Variants in ODR4 observed in about 807,000 individuals in gnomAD.
ODR4 encodes protein odr-4 homolog.
Under a neutral mutation model 60.2 loss-of-function variants are expected in ODR4, and 47 were observed. The ratio of observed to expected loss-of-function variants is 0.78; its 90% CI spans 0.62 to 1.00. The LOEUF is 1.00. ODR4 is among the 50% of genes least tolerant of loss of function. ODR4 has a pLI of 0.00. For missense variants in ODR4, 488 were observed against 530.8 expected (o/e 0.92, Z 0.79); for synonymous variants, 178 against 175.5 (o/e 1.01, Z -0.11).
the ODR4 span, among the ~76,000 whole-genome samples, chr1:186,433,724 G>A: frequency 6.6e-6 from 1 of 152,176 alleles, no homozygotes; most frequent in Admixed American, 6.5e-5. Flanking sequence ...GGGATTACAG[G>A]TGCCTGCCAC....
chr1:186,431,273 G>A, the ODR4 span, among the ~76,000 whole-genome samples: 2 of 152,192 alleles, frequency 1.3e-5, no homozygotes, highest in Non-Finnish European at 2.9e-5. Context: ...TTTGTAAGAA[G>A]TATTGCAAAG....
intron 3 of ODR4, among the ~76,000 whole-genome samples, chr1:186,385,780 A>G (rs865824898): frequency 2.6e-5 from 4 of 152,158 alleles, no homozygotes; most frequent in African/African-American, 7.2e-5. Context: ...TGATGGTGGG[A>G]CGCCATTGAA....
chr1:186,390,425 G>A (rs1027904093), intron 6 of ODR4, among the ~76,000 whole-genome samples: 1 of 152,146 alleles, frequency 6.6e-6, no homozygotes, highest in Non-Finnish European at 1.5e-5. Flanking sequence ...GAAGCTAGAG[G>A]ATCAAAGGAC....
At chr1:186,426,759 C>CA in the ODR4 span, among the ~76,000 whole-genome samples, 150 of 151,846 alleles carry the variant, frequency 9.9e-4, 1 homozygote, top group African/African-American at 3.3e-3. Context: ...TAGTATATGT[C>CA]AAAAAAAGAA....
At chr1:186,430,611 T>C in the ODR4 span, among the ~76,000 whole-genome samples, 702 of 152,278 alleles carry the variant, frequency 4.6e-3, 6 homozygotes, top group Non-Finnish European at 8.1e-3. Flanking sequence ...ATAATTTTAA[T>C]ATTTTTTTCT....
At chr1:186,417,444 A>T in intron 12 of ODR4, 100 bp from the exon 13 acceptor site, 1 of 698,364 alleles carries the variant, frequency 1.4e-6, no homozygotes, top group South Asian at 1.7e-5. Flanking sequence ...TAGAAAGAAA[A>T]TGGTGATGAT....
At chr1:186,399,972 C>G (rs976901124) in intron 11 of ODR4, among the ~76,000 whole-genome samples, 9 of 151,096 alleles carry the variant, frequency 6.0e-5, no homozygotes, top group East Asian at 1.9e-4. Flanking sequence ...TCATCATCTC[C>G]CCATTCTTTT....
chr1:186,413,035 G>T (rs933630889), intron 12 of ODR4, among the ~76,000 whole-genome samples: 6 of 151,874 alleles, frequency 4.0e-5, no homozygotes, highest in Non-Finnish European at 8.8e-5. Context: ...TCAAAAATTG[G>T]AATCAATTAC....
At chr1:186,404,117 T>C (rs1481444125) in intron 11 of ODR4, among the ~76,000 whole-genome samples, 1 of 152,224 alleles carries the variant, frequency 6.6e-6, no homozygotes, top group Non-Finnish European at 1.5e-5. Context: ...ACCCAATTCT[T>C]ATTATATTGG....
At chr1:186,396,906 G>T (rs1451323556) in intron 9 of ODR4, among the ~76,000 whole-genome samples, 1 of 152,150 alleles carries the variant, frequency 6.6e-6, no homozygotes, top group Non-Finnish European at 1.5e-5. Flanking sequence ...TTATGGAGTA[G>T]ATAGGGGAAG....
At chr1:186,388,905 A>G (rs947831066) in intron 5 of ODR4, among the ~76,000 whole-genome samples, 1 of 152,194 alleles carries the variant, frequency 6.6e-6, no homozygotes, top group African/African-American at 2.4e-5. Flanking sequence ...TTTCACCTCC[A>G]GTTTCTATAG....
chr1:186,393,790 G>A (rs1329176616), intron 8 of ODR4, among the ~76,000 whole-genome samples, 157 bp from the exon 9 acceptor site: 1 of 152,146 alleles, frequency 6.6e-6, no homozygotes, highest in Non-Finnish European at 1.5e-5. Flanking sequence ...CATTGATACA[G>A]AATACATAAA....
At chr1:186,406,027 C>A in intron 11 of ODR4, 56 bp from the exon 12 acceptor site, 1 of 1,197,832 alleles carries the variant, frequency 8.3e-7, no homozygotes, top group Non-Finnish European at 1.1e-6. Flanking sequence ...AAATATGTAT[C>A]ACTGATACCA....
chr1:186,383,433 T>C (rs1660117248), intron 3 of ODR4, among the ~76,000 whole-genome samples: 3 of 152,052 alleles, frequency 2.0e-5, no homozygotes, highest in Admixed American at 2.0e-4. Context: ...TAGAATAAGG[T>C]AAAAATAGAA....
intron 3 of ODR4, 51 bp from the exon 4 acceptor site, chr1:186,385,937 G>A: frequency 2.6e-6 from 3 of 1,136,288 alleles, no homozygotes; most frequent in Non-Finnish European, 2.6e-6. Context: ...CAAACAGAAA[G>A]GATTGCATAT....
intron 6 of ODR4, among the ~76,000 whole-genome samples, chr1:186,389,911 T>C (rs1660395948): frequency 6.6e-6 from 1 of 152,178 alleles, no homozygotes; most frequent in Non-Finnish European, 1.5e-5. Flanking sequence ...CCTCAGCCTC[T>C]TGAGTAGCTG....
intron 12 of ODR4, among the ~76,000 whole-genome samples, chr1:186,407,824 T>A (rs1168053015): frequency 6.6e-6 from 1 of 152,142 alleles, no homozygotes; most frequent in Non-Finnish European, 1.5e-5. Flanking sequence ...TCCGGTAGAT[T>A]AGGAATTTTT....
rs1299662484 is a variant in ODR4, at chr1:186,399,356, C to A, written c.1000+312C>A. Reference sequence around the variant, plus strand: ...TAGTAGGTGGGCCTGCAGGCACATGCCATGATGCCTTGCTAATTTTTGGTA... The same window carrying A: ...TAGTAGGTGGGCCTGCAGGCACATGACATGATGCCTTGCTAATTTTTGGTA... On this transcript the variant is annotated intron_variant, in intron 11 of 13. Transcript: ENST00000287859. 5 of 361,960 alleles carry A rather than the reference C, an allele frequency of 1.4e-5. No individual in the cohort carries two copies. The Admixed American group carries it at 2.0e-4, about 15-fold the overall frequency. The allele number at this position is 361,960 out of a possible 1,614,324, so 22.4% of individuals were successfully genotyped here.
At chr1:186,410,324 T>C (rs1661329480) in intron 12 of ODR4, among the ~76,000 whole-genome samples, 1 of 152,220 alleles carries the variant, frequency 6.6e-6, no homozygotes, top group Non-Finnish European at 1.5e-5. Flanking sequence ...TTCAGGAGTT[T>C]TGAACATTTA....
Sources: allele counts gnomAD v4.1 joint callset (sites outside exome capture counted in the v4.1 genomes callset), GRCh38; gene constraint gnomAD v4.1.1; transcripts MANE v1.5; gene names NCBI Gene and HGNC (gene_info 2026-07-23, HGNC 2026-07-21).